Variants in SLC29A3 observed in about 807,000 individuals in gnomAD.
SLC29A3 encodes the protein solute carrier family 29 member 3.
Under a neutral mutation model 25.4 loss-of-function variants are expected in SLC29A3, and 18 were observed. That is an observed-to-expected ratio of 0.71 (90% confidence interval 0.49 to 1.05). The LOEUF (loss-of-function observed/expected upper bound fraction) is 1.05. Among genes scored for constraint, SLC29A3 ranks in the 50% least tolerant of loss-of-function variants. The probability of loss-of-function intolerance (pLI) is 0.00; values close to 1 mark genes in which losing one functional copy is unlikely to be tolerated. For synonymous variants in SLC29A3, 258 were observed against 267.1 expected (o/e 0.97, Z 0.33); for missense variants, 586 against 609.0 (o/e 0.96, Z 0.40).
intron 5 of SLC29A3, among the ~76,000 whole-genome samples, chr10:71,358,635 G>A (rs922334380): frequency 2.6e-5 from 4 of 152,212 alleles, no homozygotes; most frequent in East Asian, 1.9e-4. Context: ...CAGGAGGGTC[G>A]CCCCACTCCT....
downstream of SLC29A3, among the ~76,000 whole-genome samples, chr10:71,363,722 C>T (rs1377619435): frequency 6.6e-6 from 1 of 152,042 alleles, no homozygotes. Context: ...ATCCTCCCAC[C>T]TCAGCTTCCC....
chr10:71,332,206 T>C (rs1846136755), intron 2 of SLC29A3, among the ~76,000 whole-genome samples: 1 of 149,832 alleles, frequency 6.7e-6, no homozygotes, highest in African/African-American at 2.5e-5. Context: ...TGGAGTGCAG[T>C]AGTGCGATCT....
chr10:71,344,076 T>C, intron 2 of SLC29A3, 133 bp from the exon 3 acceptor site: 3 of 765,010 alleles, frequency 3.9e-6, no homozygotes, highest in Non-Finnish European at 4.6e-6. Context: ...GGAGGTGGGC[T>C]CACCCACGGC....
At chr10:71,375,741 T>C (rs1410481831) in exon 4 of SLC29A3, 1 of 152,114 alleles carries the variant, frequency 6.6e-6, no homozygotes, top group Non-Finnish European at 1.5e-5. Flanking sequence ...CCCAGAGTGG[T>C]ATAAGCTGAC....
At chr10:71,379,234 T>C (rs975547746) in intron 4 of SLC29A3, among the ~76,000 whole-genome samples, 5 of 152,204 alleles carry the variant, frequency 3.3e-5, no homozygotes, top group Non-Finnish European at 5.9e-5. Context: ...TTCCTCCTCT[T>C]CTCAGAGCAG....
At chr10:71,373,303 G>C (rs1847225503) in intron 3 of SLC29A3, among the ~76,000 whole-genome samples, 2 of 152,212 alleles carry the variant, frequency 1.3e-5, no homozygotes, top group Admixed American at 6.5e-5. Context: ...CTTGCTTTCT[G>C]CTTATAAAGC....
At chr10:71,333,730 A>G (rs1429600960) in intron 2 of SLC29A3, among the ~76,000 whole-genome samples, 1 of 152,180 alleles carries the variant, frequency 6.6e-6, no homozygotes, top group Non-Finnish European at 1.5e-5. Context: ...TCCCTATCAC[A>G]TGGCAGAAGT....
chr10:71,329,006 G>T (rs1294120499), intron 2 of SLC29A3, among the ~76,000 whole-genome samples: 1 of 152,228 alleles, frequency 6.6e-6, no homozygotes, highest in African/African-American at 2.4e-5. Flanking sequence ...CTTGTGTGGA[G>T]AAGAGGATAC....
downstream of SLC29A3, among the ~76,000 whole-genome samples, chr10:71,367,846 T>A (rs1650540920): frequency 6.6e-6 from 1 of 152,188 alleles, no homozygotes; most frequent in African/African-American, 2.4e-5. Flanking sequence ...ATTCAGACAC[T>A]CAGACCGAGG....
At position 71,363,073 on chromosome 10, in the gene SLC29A3, C is replaced by G. The variant is rs1416323541; in HGVS notation, c.*465C>G. 1 of 452,584 alleles carries G rather than the reference C, an allele frequency of 2.2e-6. No individual in the cohort carries two copies. The allele number at this position is 452,584 out of a possible 1,614,324, so 28.0% of individuals were successfully genotyped here. A position where few individuals can be genotyped will look rare whatever the true frequency, so the allele number is the denominator to read the frequency against. ...AGGGGTCTCCCTGGAATGGAAGTCC[C>G]CTGGCATGGTCAGTCCTCAGGCCCA... On this transcript the variant is annotated 3_prime_UTR_variant, in exon 6 of 6. Transcript: ENST00000373189.
chr10:71,357,035 C>T (rs1445805588), intron 5 of SLC29A3, among the ~76,000 whole-genome samples: 1 of 152,136 alleles, frequency 6.6e-6, no homozygotes, highest in Admixed American at 6.5e-5. Context: ...GCAGCCTTGA[C>T]CTCCTGGGCT....
intron 2 of SLC29A3, among the ~76,000 whole-genome samples, chr10:71,343,607 A>G (rs1449990989): frequency 6.6e-6 from 1 of 152,186 alleles, no homozygotes; most frequent in Non-Finnish European, 1.5e-5. Flanking sequence ...GGCCTCTTGT[A>G]TATCTAAGAG....
intron 3 of SLC29A3, among the ~76,000 whole-genome samples, chr10:71,350,352 T>TGTGTGTGTGTG (rs1554816975): frequency 2.0e-5 from 3 of 151,572 alleles, no homozygotes; most frequent in South Asian, 2.1e-4. Flanking sequence ...TGTGTGTGTA[T>TGTGTGTGTGTG]TTTTCCTACC....
intron 4 of SLC29A3, among the ~76,000 whole-genome samples, chr10:71,379,313 A>G (rs1847284914): frequency 6.6e-6 from 1 of 152,236 alleles, no homozygotes; most frequent in African/African-American, 2.4e-5. Flanking sequence ...GCCCCAGCAG[A>G]CCAGGCTAAA....
downstream of SLC29A3, among the ~76,000 whole-genome samples, chr10:71,368,144 T>G (rs1040988873): frequency 6.6e-6 from 1 of 152,052 alleles, no homozygotes; most frequent in Admixed American, 6.6e-5. Flanking sequence ...GCAGGAGGAT[T>G]GTTTGAGCCC....
chr10:71,342,333 G>A (rs1300611774), intron 2 of SLC29A3, among the ~76,000 whole-genome samples: 1 of 152,202 alleles, frequency 6.6e-6, no homozygotes, highest in African/African-American at 2.4e-5. Context: ...ATGGAATGAT[G>A]GCCTGGCCTC....
Position 71,344,297 on chromosome 10 carries a change from C to T in SLC29A3, c.383+6C>T, listed in dbSNP as rs77626641. 2.7e-3 allele frequency: 4,327 copies of T among 1,609,496 alleles called. 173 individuals carry two copies. In the East Asian group the frequency reaches 0.076, roughly 28 times the overall value. On this transcript the variant is annotated splice_donor_region_variant and intron_variant, in intron 3 of 5. Transcript: ENST00000373189. ...AACTTCCTGCTTGTCAACAGGTAGGCGACTCTCTTCCCTCTCTCAGGCCTC... is the reference window on the plus strand; with the variant it reads ...AACTTCCTGCTTGTCAACAGGTAGGTGACTCTCTTCCCTCTCTCAGGCCTC...
downstream of SLC29A3, among the ~76,000 whole-genome samples, chr10:71,363,801 C>CTTTTT (rs374989127): frequency 0.21 from 3,061 of 14,880 alleles, 478 homozygotes; most frequent in Non-Finnish European, 0.36. Context: ...TTCTTTTTTT[C>CTTTTT]CTTTTTCTTT....
At chr10:71,342,178 T>C (rs1016666973) in intron 2 of SLC29A3, among the ~76,000 whole-genome samples, 23 of 152,232 alleles carry the variant, frequency 1.5e-4, no homozygotes, top group Non-Finnish European at 1.2e-4. Context: ...TTAGAACTTT[T>C]CCTATAGGCA....
Sources: gnomAD v4.1 joint callset for allele counts (sites outside exome capture counted in the v4.1 genomes callset) on GRCh38, gnomAD v4.1.1 for gene constraint, MANE v1.5 for transcripts, NCBI Gene and HGNC (gene_info 2026-07-23, HGNC 2026-07-21) for gene names.